MEI1: variants seen among roughly 807,000 people sequenced by gnomAD.
MEI1 encodes the protein meiotic double-stranded break formation protein 1, also known as meiosis inhibitor protein 1.
Under a neutral mutation model 146.2 loss-of-function variants are expected in MEI1, and 103 were observed. The observed-to-expected ratio is 0.70, with a 90% CI of 0.60 to 0.83. The LOEUF (loss-of-function observed/expected upper bound fraction) is 0.83, where lower values mean the gene tolerates loss of function less well. Among genes scored for constraint, MEI1 ranks in the 40% least tolerant of loss-of-function variants. The pLI is 0.00. For synonymous variants in MEI1, 652 were observed against 628.2 expected (o/e 1.04, Z -0.57); for missense variants, 1,529 against 1,533.0 (o/e 1.00, Z 0.04).
intron 18 of MEI1, among the ~76,000 whole-genome samples, chr22:41,762,186 C>A (rs755468690): frequency 2.0e-5 from 3 of 152,188 alleles, no homozygotes; most frequent in African/African-American, 4.8e-5. Flanking sequence ...GCTACCATTA[C>A]AGGCGTGAGC....
chr22:41,712,563 A>G (rs1351337184), intron 3 of MEI1, among the ~76,000 whole-genome samples: 1 of 151,924 alleles, frequency 6.6e-6, no homozygotes, highest in Non-Finnish European at 1.5e-5. Flanking sequence ...CTGGCTTCAC[A>G]ATAGACTTAC....
intron 19 of MEI1, chr22:41,767,632 G>C (rs1047211569): frequency 2.0e-5 from 9 of 453,744 alleles, no homozygotes; most frequent in Non-Finnish European, 1.3e-5. Context: ...ACTCTATGCC[G>C]ATGATTTTTT....
rs1383213379 is a variant in MEI1, at chr22:41,793,863, G to C, written c.3380G>C (p.Cys1127Ser). The C allele has an allele frequency of 6.8e-6, 11 of 1,609,964 alleles. No homozygotes were observed. The highest frequency in any genetic ancestry group is 9.3e-6 in the Non-Finnish European group (11 of 1,178,952). ...DPLLSQACVG[C>S]LEALLDYLDA... ...CTATTGTCCCAGGCCTGTGTTGGCT[G>C]CCTGGAGGCCTTGCTTGACTACCTG... The change falls in exon 27 of 31, where the codon TGC becomes TCC. Residue 1127 changes from cysteine to serine, a missense_variant. This residue lies in a region of MEI1 where 313 missense variants were observed against 337.3 expected (regional missense o/e 0.93). Coordinates refer to ENST00000401548, the MANE Select transcript of MEI1 (RefSeq NM_152513.4).
intron 6 of MEI1, among the ~76,000 whole-genome samples, chr22:41,721,140 C>A (rs901257013): frequency 4.0e-5 from 6 of 149,108 alleles, no homozygotes; most frequent in Non-Finnish European, 8.9e-5. Context: ...GTCTCGATCT[C>A]TTGACTTCAT....
At chr22:41,738,626 G>C (rs1471003853) in intron 11 of MEI1, among the ~76,000 whole-genome samples, 3 of 151,272 alleles carry the variant, frequency 2.0e-5, no homozygotes, top group Non-Finnish European at 2.9e-5. Context: ...ACAAAAATTA[G>C]CTGGGCGTGG....
chr22:41,745,811 A>AC lies in MEI1; in HGVS notation c.1539-68dup, dbSNP rs1454041113. 6.2e-6 allele frequency: 9 copies of AC among 1,452,688 alleles called. No individual in the cohort carries two copies. The Admixed American group carries it at 1.5e-4, about 24-fold the overall frequency. 90.0% of individuals were successfully genotyped at this position (1,452,688 alleles called of 1,614,324 possible). A position where few individuals can be genotyped will look rare whatever the true frequency, so the allele number is the denominator to read the frequency against. ...ACCCTGAGCACAGGCACTCCCCGCCACCCCCCAGGAAGCTGTTTGTAACCT... is the reference window on the plus strand; with the variant it reads ...ACCCTGAGCACAGGCACTCCCCGCCACCCCCCCAGGAAGCTGTTTGTAACCT... On this transcript the variant is annotated intron_variant, in intron 13 of 30. Transcript: ENST00000401548.
rs778903726 is a variant in MEI1, at chr22:41,781,250, C to CGACA, written c.2816-32_2816-29dup. 12 of 1,521,766 alleles carry CGACA rather than the reference C, an allele frequency of 7.9e-6. No individual in the cohort carries two copies. In the African/African-American group the frequency reaches 1.6e-4, roughly 21 times the overall value. 94.3% of individuals were successfully genotyped at this position (1,521,766 alleles called of 1,614,324 possible). On this transcript the variant is annotated intron_variant, in intron 22 of 30. Transcript: ENST00000401548. ...ACCTATGACAAGTGTGAGTGTTTTG[C>CGACA]GACAGGCCGACTGGGGACTTTCATC...
At chr22:41,749,461 G>T (rs933424539) in intron 15 of MEI1, among the ~76,000 whole-genome samples, 1 of 152,104 alleles carries the variant, frequency 6.6e-6, no homozygotes, top group African/African-American at 2.4e-5. Flanking sequence ...TTTTAGTAGA[G>T]ATGGGGTTTC....
At chr22:41,699,876 C>A (rs1215068555) in intron 1 of MEI1, among the ~76,000 whole-genome samples, 164 bp downstream of exon 1, 3 of 152,218 alleles carry the variant, frequency 2.0e-5, no homozygotes, top group African/African-American at 7.2e-5. Context: ...CCGGCCGCAG[C>A]GGCCTCTCGG....
intron 20 of MEI1, 70 bp from the exon 21 acceptor site, chr22:41,776,032 C>A: frequency 6.6e-7 from 1 of 1,514,496 alleles, no homozygotes; most frequent in Non-Finnish European, 9.1e-7. Flanking sequence ...TCCTGCCCCT[C>A]TATTCCTCAT....
At chr22:41,721,873 A>C (rs2070863170) in intron 6 of MEI1, among the ~76,000 whole-genome samples, 1 of 150,640 alleles carries the variant, frequency 6.6e-6, no homozygotes, top group African/African-American at 2.4e-5. Context: ...GGCGCGTGCT[A>C]CCATGCCCGA....
chr22:41,737,546 TTC>T (rs2072484894), intron 11 of MEI1, among the ~76,000 whole-genome samples: 2 of 151,918 alleles, frequency 1.3e-5, no homozygotes, highest in South Asian at 2.1e-4. Context: ...GCCTCTTTTT[TTC>T]TGGGGGGTGA....
At chr22:41,708,523 T>G (rs2069276656) in intron 3 of MEI1, among the ~76,000 whole-genome samples, 1 of 152,276 alleles carries the variant, frequency 6.6e-6, no homozygotes, top group Non-Finnish European at 1.5e-5. Flanking sequence ...ACAACAACTT[T>G]CAAACTCCCG....
intron 14 of MEI1, 31 bp downstream of exon 14, chr22:41,746,057 A>G (rs1251015639): frequency 6.5e-7 from 1 of 1,542,578 alleles, no homozygotes. Context: ...GGCAACATGA[A>G]GCTTGGGGAA....
intron 11 of MEI1, 149 bp downstream of exon 11, chr22:41,732,752 A>C: frequency 1.3e-6 from 1 of 772,546 alleles, no homozygotes; most frequent in Non-Finnish European, 1.9e-6. Flanking sequence ...ACATCCATGG[A>C]TTCAACCAAC....
At chr22:41,725,392 A>G (rs547056108) in intron 7 of MEI1, among the ~76,000 whole-genome samples, 78 of 152,212 alleles carry the variant, frequency 5.1e-4, no homozygotes, top group Non-Finnish European at 8.1e-4. Context: ...GATTACAGGC[A>G]TGAGCCCCCA....
At chr22:41,770,502 A>G (rs1390512833) in intron 19 of MEI1, among the ~76,000 whole-genome samples, 184 bp from the exon 20 acceptor site, 6 of 152,096 alleles carry the variant, frequency 3.9e-5, no homozygotes, top group African/African-American at 1.4e-4. Flanking sequence ...CCCCTAGTTG[A>G]TAACTTCTGT....
chr22:41,784,075 G>T (rs921621070), intron 24 of MEI1, among the ~76,000 whole-genome samples: 3 of 152,220 alleles, frequency 2.0e-5, no homozygotes, highest in Admixed American at 6.5e-5. Flanking sequence ...CACAGATGAG[G>T]CCAGAGAAGG....
intron 18 of MEI1, among the ~76,000 whole-genome samples, chr22:41,761,263 A>G (rs554102871): frequency 6.7e-6 from 1 of 149,810 alleles, no homozygotes; most frequent in African/African-American, 2.5e-5. Flanking sequence ...ATGAGCTGAT[A>G]TTGTGCCATT....
Sources: allele counts gnomAD v4.1 joint callset (sites outside exome capture counted in the v4.1 genomes callset), GRCh38; gene constraint gnomAD v4.1.1; regional missense constraint gnomAD v4.1.1; transcripts MANE v1.5; gene names NCBI Gene and HGNC (gene_info 2026-07-23, HGNC 2026-07-21).